The following SLC35F4 variants were observed in gnomAD, a reference collection of about 807,000 sequenced individuals.
SLC35F4 encodes solute carrier family 35 member F4, also known as chromosome 14 open reading frame 36.
SLC35F4 carries 24 observed loss-of-function variants against 44.2 expected under a neutral mutation model. The observed-to-expected ratio is 0.54, with a 90% CI of 0.39 to 0.76. The LOEUF (loss-of-function observed/expected upper bound fraction) is 0.76. SLC35F4 is among the 30% of genes least tolerant of loss of function. The pLI is 0.00. For synonymous variants in SLC35F4, 238 were observed against 223.6 expected (o/e 1.06, Z -0.57); for missense variants, 562 against 586.1 (o/e 0.96, Z 0.42).
chr14:57,823,798 T>C (rs767656182), intron 1 of SLC35F4, among the ~76,000 whole-genome samples: 2 of 152,228 alleles, frequency 1.3e-5, no homozygotes, highest in Non-Finnish European at 2.9e-5. Flanking sequence ...TTTGTAATCA[T>C]TTCAATTATT....
In SLC35F4 at chr14:57,950,675, C is replaced by CTTTTTTTTTTT. The variant is rs59027196; in HGVS notation, n.282+31227_282+31237dup. Among the ~76,000 whole-genome samples the CTTTTTTTTTTT allele has an allele frequency of 0.017, 2,200 of 126,892 alleles. 222 individuals carry two copies. In the East Asian group the frequency reaches 0.3, roughly 17 times the overall value. The allele number at this position is 126,892 out of a possible 152,430, so 83.2% of individuals were successfully genotyped here. ...GACTCTTTGTTTCTTTTCTTTCTTT[C>CTTTTTTTTTTT]TTTTTTTTTTTTGAGACAGAGTCTT... On this transcript the variant is annotated intron_variant and non_coding_transcript_variant, in intron 1 of 1. Transcript: ENST00000556568.
intron 1 of SLC35F4, among the ~76,000 whole-genome samples, chr14:57,717,364 C>T (rs570017323): frequency 1.3e-5 from 2 of 152,252 alleles, no homozygotes; most frequent in Non-Finnish European, 2.9e-5. Flanking sequence ...CAGCTGGGCG[C>T]GGTGGCTCAC....
At chr14:57,843,944 T>C (rs979991703) in intron 1 of SLC35F4, among the ~76,000 whole-genome samples, 1 of 152,148 alleles carries the variant, frequency 6.6e-6, no homozygotes, top group Non-Finnish European at 1.5e-5. Context: ...TTTTAAAAGC[T>C]CTTTACTGAG....
At chr14:57,871,830 C>T (rs1039407860) in intron 1 of SLC35F4, among the ~76,000 whole-genome samples, 1 of 152,198 alleles carries the variant, frequency 6.6e-6, no homozygotes, top group Non-Finnish European at 1.5e-5. Flanking sequence ...CATCAGCATT[C>T]AGGATGACTC....
At chr14:57,624,757 T>TAC (rs2072385261) in intron 1 of SLC35F4, among the ~76,000 whole-genome samples, 1 of 152,044 alleles carries the variant, frequency 6.6e-6, no homozygotes, top group Non-Finnish European at 1.5e-5. Flanking sequence ...TTCAACACCC[T>TAC]TTCATGCTAA....
intron 1 of SLC35F4, among the ~76,000 whole-genome samples, chr14:57,925,126 C>T (rs1463022489): frequency 6.6e-6 from 1 of 152,002 alleles, no homozygotes; most frequent in Non-Finnish European, 1.5e-5. Context: ...ACCCTCCCAC[C>T]CCAGAGAAGC....
intron 1 of SLC35F4, among the ~76,000 whole-genome samples, chr14:57,738,169 G>C (rs1370827369): frequency 6.6e-6 from 1 of 152,158 alleles, no homozygotes; most frequent in Non-Finnish European, 1.5e-5. Flanking sequence ...TTGACTCCAA[G>C]GGGGAACCAC....
chr14:57,799,698 C>T (rs553645873), intron 1 of SLC35F4, among the ~76,000 whole-genome samples: 1 of 152,222 alleles, frequency 6.6e-6, no homozygotes, highest in Admixed American at 6.5e-5. Flanking sequence ...ATGGTCAAAA[C>T]GAGGAAGGCT....
chr14:57,595,244 C>T (rs918853667), intron 1 of SLC35F4, among the ~76,000 whole-genome samples: 1 of 152,112 alleles, frequency 6.6e-6, no homozygotes, highest in African/African-American at 2.4e-5. Flanking sequence ...TTTGAGTTTG[C>T]CAGATATTTT....
At chr14:57,884,879 A>G (rs1888614761) in intron 1 of SLC35F4, among the ~76,000 whole-genome samples, 1 of 152,164 alleles carries the variant, frequency 6.6e-6, no homozygotes, top group Non-Finnish European at 1.5e-5. Flanking sequence ...AAAACACAGA[A>G]GGTATAAACT....
chr14:57,735,607 G>C (rs1024339059), intron 1 of SLC35F4, among the ~76,000 whole-genome samples: 1 of 152,152 alleles, frequency 6.6e-6, no homozygotes, highest in African/African-American at 2.4e-5. Flanking sequence ...GTCTGAAGTA[G>C]TATAAAGTAA....
intron 1 of SLC35F4, among the ~76,000 whole-genome samples, chr14:57,745,847 ATG>A (rs1219308944): frequency 6.6e-6 from 1 of 152,206 alleles, no homozygotes; most frequent in Non-Finnish European, 1.5e-5. Context: ...ATGTCCATCA[ATG>A]ATAGACTGGA....
intron 1 of SLC35F4, among the ~76,000 whole-genome samples, chr14:57,795,789 CT>C (rs910215570): frequency 1.3e-5 from 2 of 152,068 alleles, no homozygotes; most frequent in East Asian, 3.9e-4. Flanking sequence ...ACATCTTTCA[CT>C]TTTTTTTCCT....
At chr14:57,565,235 G>T (rs2068147549) in intron 7 of SLC35F4, among the ~76,000 whole-genome samples, 1 of 151,952 alleles carries the variant, frequency 6.6e-6, no homozygotes, top group Non-Finnish European at 1.5e-5. Flanking sequence ...TCACTTTTTT[G>T]GGGTATACAC....
intron 3 of SLC35F4, among the ~76,000 whole-genome samples, chr14:57,586,743 AAAAAGACTTCATGACTAAAACACC>A (rs2069762782): frequency 6.8e-6 from 1 of 146,842 alleles, no homozygotes; most frequent in Admixed American, 6.8e-5. Flanking sequence ...AAAAAAAAAA[AAAAAGACTTCATGACTAAAACACC>A]AAAAGCAATG....
intron 1 of SLC35F4, among the ~76,000 whole-genome samples, chr14:57,875,596 T>C (rs1045018203): frequency 3.3e-5 from 5 of 152,260 alleles, no homozygotes; most frequent in African/African-American, 1.2e-4. Flanking sequence ...GATGGGAGAT[T>C]GGGATAACTG....
At chr14:57,598,999 T>C (rs238383) in intron 1 of SLC35F4, among the ~76,000 whole-genome samples, 108,217 of 152,088 alleles carry the variant, frequency 0.71, 39,271 homozygotes, top group Middle Eastern at 0.8. Flanking sequence ...TACCACTGGC[T>C]GTGTCAACTC....
chr14:57,738,552 G>C (rs1302745557), intron 1 of SLC35F4, among the ~76,000 whole-genome samples: 4 of 151,730 alleles, frequency 2.6e-5, no homozygotes, highest in African/African-American at 9.7e-5. Flanking sequence ...CCATGTTCTG[G>C]TATAGATTAT....
At chr14:57,924,503 C>T (rs954558389) in intron 1 of SLC35F4, among the ~76,000 whole-genome samples, 5 of 151,838 alleles carry the variant, frequency 3.3e-5, no homozygotes, top group African/African-American at 1.2e-4. Flanking sequence ...GGCTGGGGTG[C>T]AATGGCGCTA....
Sources: allele counts gnomAD v4.1 joint callset (sites outside exome capture counted in the v4.1 genomes callset), GRCh38; gene constraint gnomAD v4.1.1; transcripts MANE v1.5; gene names NCBI Gene and HGNC (gene_info 2026-07-23, HGNC 2026-07-21).